CRX: variants seen among roughly 807,000 people sequenced by gnomAD.
The protein encoded by CRX is cone-rod homeobox protein.
CRX carries 5 observed loss-of-function variants against 13.1 expected under a neutral mutation model. The observed-to-expected ratio is 0.38, with a 90% CI of 0.20 to 0.80. The LOEUF (loss-of-function observed/expected upper bound fraction) is 0.80, where lower values mean the gene tolerates loss of function less well. Ranked by LOEUF, CRX falls within the 30% of genes least tolerant of loss-of-function variation. The pLI, the probability that CRX is intolerant of heterozygous loss-of-function variation, is 0.43. For missense variants in CRX, 351 were observed against 391.8 expected (o/e 0.90, Z 0.88); for synonymous variants, 179 against 171.1 (o/e 1.05, Z -0.36).
intron 1 of CRX, among the ~76,000 whole-genome samples, chr19:47,826,186 G>A (rs1331800804): frequency 1.3e-5 from 2 of 152,284 alleles, no homozygotes; most frequent in South Asian, 4.1e-4. Flanking sequence ...GGGAACCCAG[G>A]TTAGGGGGCT....
chr19:47,829,423 C>T (rs1471671066), intron 1 of CRX, among the ~76,000 whole-genome samples: 1 of 152,174 alleles, frequency 6.6e-6, no homozygotes, highest in Non-Finnish European at 1.5e-5. Flanking sequence ...CCTCTGCCTC[C>T]CGGGTTCAAG....
rs1189004931 is a variant in CRX at position 47,839,564 on chromosome 19, C to A, written c.497C>A (p.Ala166Asp). ...AVATVSIWSPASESPLPEAQR... is the reference protein window; with the variant it reads ...AVATVSIWSPDSESPLPEAQR... ...GCCACTGTGTCCATCTGGAGCCCAG[C>A]CTCAGAGTCCCCTTTGCCTGAGGCG... Residue 166 changes from alanine to aspartate, a missense_variant, in exon 4 of 4, where the codon GCC becomes GAC. Transcript: ENST00000221996. The surrounding 1 kb of genome is among the most constrained non-coding windows in gnomAD (Gnocchi z 4.6). 3 of 1,612,428 alleles carry A rather than the reference C, an allele frequency of 1.9e-6. No homozygotes were observed. The Admixed American group carries it at 5.0e-5, about 27-fold the overall frequency.
chr19:47,826,766 T>G (rs559615578), intron 1 of CRX, among the ~76,000 whole-genome samples: 1 of 152,332 alleles, frequency 6.6e-6, no homozygotes, highest in African/African-American at 2.4e-5. Context: ...CTTCAAACAA[T>G]AAACATTTCT....
intron 1 of CRX, among the ~76,000 whole-genome samples, chr19:47,824,591 G>A (rs1967952585): frequency 1.3e-5 from 2 of 152,084 alleles, no homozygotes. Flanking sequence ...GGTCCTTAAG[G>A]TCATCAGCCA....
intron 1 of CRX, among the ~76,000 whole-genome samples, chr19:47,822,956 G>A (rs1967929985): frequency 6.6e-6 from 1 of 151,412 alleles, no homozygotes; most frequent in Non-Finnish European, 1.5e-5. Context: ...CCCATGCCCA[G>A]CTATTTTTTG....
chr19:47,824,339 T>A (rs904713101), intron 1 of CRX, among the ~76,000 whole-genome samples: 5 of 152,102 alleles, frequency 3.3e-5, no homozygotes, highest in Admixed American at 2.0e-4. Flanking sequence ...AGAGGCCATA[T>A]CGCCGGGTGA....
Position 47,834,000 on chromosome 19 carries a change from T to C in CRX, c.-35-409T>C, listed in dbSNP as rs370276720. On this transcript the variant is annotated intron_variant, in intron 1 of 3. Coordinates refer to ENST00000221996, the MANE Select transcript of CRX (RefSeq NM_000554.6). Reference sequence around the variant, plus strand: ...CCAGTTAACTTTTTAAAGAACACTTTTTTTTTTTTTTTAAGAGACAGGGTC... The same window carrying C: ...CCAGTTAACTTTTTAAAGAACACTTCTTTTTTTTTTTTAAGAGACAGGGTC... Among the ~76,000 whole-genome samples, 38 of 149,492 alleles carry C rather than the reference T, an allele frequency of 2.5e-4. No individual in the cohort carries two copies. The East Asian group carries it at 5.1e-3, about 20-fold the overall frequency.
Position 47,840,084 on chromosome 19 carries a change from T to A in CRX, c.*117T>A, listed in dbSNP as rs574641672. ...CTGAGAAAGCAACCCGAACCAGCTG[T>A]CCTTCTGACAGCTCGGTGTTCAGCT... On this transcript the variant is annotated 3_prime_UTR_variant, in exon 4 of 4. Coordinates refer to ENST00000221996, the MANE Select transcript of CRX (RefSeq NM_000554.6). The A allele has an allele frequency of 6.7e-4, 814 of 1,220,890 alleles. 6 individuals carry two copies. Among genetic ancestry groups the A allele is most frequent in the South Asian group, 3.6e-3 (284 of 78,906 alleles). 75.6% of individuals were successfully genotyped at this position (1,220,890 alleles called of 1,614,324 possible).
intron 1 of CRX, among the ~76,000 whole-genome samples, chr19:47,827,853 A>G (rs1967994166): frequency 1.0e-5 from 1 of 95,644 alleles, no homozygotes; most frequent in East Asian, 2.8e-4. Context: ...AAAAAAAAAA[A>G]AAAAAAAAAA....
chr19:47,829,703 C>T (rs1420925953), intron 1 of CRX, among the ~76,000 whole-genome samples: 3 of 152,034 alleles, frequency 2.0e-5, no homozygotes, highest in Non-Finnish European at 2.9e-5. Flanking sequence ...GCTCATAGCT[C>T]ACTGCAGTCT....
At chr19:47,825,670 A>G (rs1306805624) in intron 1 of CRX, among the ~76,000 whole-genome samples, 1 of 152,118 alleles carries the variant, frequency 6.6e-6, no homozygotes, top group African/African-American at 2.4e-5. Flanking sequence ...CTGTGATTCC[A>G]GCACTTAGGG....
intron 1 of CRX, among the ~76,000 whole-genome samples, chr19:47,826,141 CATT>C (rs1245044108): frequency 5.3e-5 from 8 of 152,120 alleles, no homozygotes; most frequent in African/African-American, 1.7e-4. Context: ...TCATATTTAA[CATT>C]ATTGGTTTTT....
At chr19:47,828,237 G>A (rs1410616095) in intron 1 of CRX, among the ~76,000 whole-genome samples, 9 of 152,056 alleles carry the variant, frequency 5.9e-5, no homozygotes, top group Admixed American at 4.6e-4. Context: ...TGAGAACAGA[G>A]AAGCTGCGGT....
In CRX at chr19:47,831,324, A is replaced by G. The variant is rs564091450; in HGVS notation, c.-35-3085A>G. Among the ~76,000 whole-genome samples the G allele has an allele frequency of 2.0e-3, 310 of 151,582 alleles. 4 individuals carry two copies. The highest frequency in any genetic ancestry group is 6.2e-3 in the African/African-American group (256 of 41,364). The stretch of plus-strand genomic sequence containing the variant: ...TCTGTCTCAAAAAAAAAAAAAAAAA[A>G]AAAGAATAGTAAATCAAATACAGGT... On this transcript the variant is annotated intron_variant, in intron 1 of 3. Coordinates refer to ENST00000221996, the MANE Select transcript of CRX (RefSeq NM_000554.6).
rs886054545 is a variant in CRX, at chr19:47,836,247, C to T, written c.105C>T (p.Ala35=). The change falls in exon 3 of 4, where the codon GCC becomes GCT. Residue 35 remains alanine (A), a synonymous_variant. Transcript: ENST00000221996. ...CTGTTTCCCATCCCACCCCAGGCGC[C>T]CCCAGGAAGCAGCGGCGGGAGCGCA... ...LMHQAVPYPS[A]PRKQRRERTT... is the part of the protein sequence containing the mutation. The T allele has an allele frequency of 1.9e-6, 3 of 1,614,084 alleles. No homozygotes were observed. Among genetic ancestry groups the T allele is most frequent in the Non-Finnish European group, 2.5e-6 (3 of 1,180,046 alleles).
At chr19:47,826,986 G>A (rs776694539) in intron 1 of CRX, among the ~76,000 whole-genome samples, 2 of 152,140 alleles carry the variant, frequency 1.3e-5, no homozygotes, top group Non-Finnish European at 2.9e-5. Context: ...AGACCTCTCC[G>A]TGGGATGGCT....
At chr19:47,824,406 C>T (rs1308445907) in intron 1 of CRX, among the ~76,000 whole-genome samples, 8 of 152,066 alleles carry the variant, frequency 5.3e-5, no homozygotes, top group African/African-American at 1.4e-4. Flanking sequence ...CTGCCGCTGA[C>T]GTGCGAGACA....
chr19:47,832,248 G>T (rs1159298600), intron 1 of CRX, among the ~76,000 whole-genome samples: 1 of 147,274 alleles, frequency 6.8e-6, no homozygotes. Context: ...TGGGATTACA[G>T]GCACGCGCCA....
At chr19:47,825,476 A>T (rs1967964266) in intron 1 of CRX, among the ~76,000 whole-genome samples, 1 of 152,124 alleles carries the variant, frequency 6.6e-6, no homozygotes, top group Non-Finnish European at 1.5e-5. Flanking sequence ...TGCCAAACCC[A>T]GGGAAAGATT....
Sources: allele counts gnomAD v4.1 joint callset (sites outside exome capture counted in the v4.1 genomes callset), GRCh38; gene constraint gnomAD v4.1.1; non-coding constraint Gnocchi (gnomAD v3.1); transcripts MANE v1.5; gene names NCBI Gene and HGNC (gene_info 2026-07-23, HGNC 2026-07-21).